SNX27: variants seen among roughly 807,000 people sequenced by gnomAD.
SNX27 encodes the protein sorting nexin-27.
Under a neutral mutation model 71.6 loss-of-function variants are expected in SNX27, and 22 were observed. That is an observed-to-expected ratio of 0.31 (90% CI 0.22 to 0.44). The LOEUF is 0.44. Among genes scored for constraint, SNX27 ranks in the 20% least tolerant of loss-of-function variants. The pLI, the probability that SNX27 is intolerant of heterozygous loss-of-function variation, is 1.00. For missense variants in SNX27, 531 were observed against 698.6 expected, an observed-to-expected ratio of 0.76 and a Z score of 2.70; for synonymous variants, 269 against 277.2, an observed-to-expected ratio of 0.97 and a Z score of 0.29.
chr1:151,612,567 C>A lies in SNX27; in HGVS notation c.311+55C>A. The A allele has an allele frequency of 8.1e-7, 1 of 1,235,484 alleles. No individual in the cohort carries two copies. The highest frequency in any genetic ancestry group is 1.0e-6 in the Non-Finnish European group (1 of 962,158). 76.5% of individuals were successfully genotyped at this position (1,235,484 alleles called of 1,614,324 possible). On this transcript the variant is annotated intron_variant, in intron 1 of 11. Transcript: ENST00000458013. This position sits in a 1 kb window ranked among gnomAD's most constrained non-coding sequence, Gnocchi z 5.2. ...CCTCCCCGCGCCCCTCCTGCCCCTG[C>A]ACTCCTCGCTACCCTTGTCACCCCC...
chr1:151,664,125 A>G (rs995625264), intron 5 of SNX27, among the ~76,000 whole-genome samples: 1 of 147,534 alleles, frequency 6.8e-6, no homozygotes, highest in Non-Finnish European at 1.5e-5. Context: ...TTAATAACAT[A>G]TGATATGTTA....
chr1:151,651,955 C>T (rs576481882), intron 2 of SNX27, among the ~76,000 whole-genome samples: 1 of 152,146 alleles, frequency 6.6e-6, no homozygotes, highest in African/African-American at 2.4e-5. Flanking sequence ...ATCCCGGCAC[C>T]TGGGGAGGCC....
At chr1:151,653,300 T>C (rs1021301303) in intron 2 of SNX27, among the ~76,000 whole-genome samples, 2 of 152,136 alleles carry the variant, frequency 1.3e-5, no homozygotes, top group African/African-American at 2.4e-5. Context: ...TCAAGCATCA[T>C]GTGTGGAATA....
intron 6 of SNX27, chr1:151,666,250 G>C: frequency 3.0e-6 from 1 of 331,470 alleles, no homozygotes; most frequent in Non-Finnish European, 5.4e-6. Flanking sequence ...CTTTCATGAG[G>C]TTCTTTTAAA....
chr1:151,668,681 TG>T (rs760039021), intron 7 of SNX27, 46 bp downstream of exon 7: 7 of 1,571,158 alleles, frequency 4.5e-6, no homozygotes, highest in African/African-American at 1.4e-5. Flanking sequence ...TTTTTATGTT[TG>T]AATATAGTTG....
intron 1 of SNX27, among the ~76,000 whole-genome samples, chr1:151,635,279 C>T (rs917648069): frequency 2.0e-5 from 3 of 152,020 alleles, no homozygotes; most frequent in African/African-American, 4.8e-5. Context: ...CTCCATTAGC[C>T]GATGATATTA....
Position 151,612,609 on chromosome 1 carries a change from G to C in SNX27, c.311+97G>C, listed in dbSNP as rs1237859853. Reference sequence around the variant, plus strand: ...GTCACCCCCAGGCCGCACCTCCCCCGAGCTCCGAGCCGGCCTCCGGACCCC... The same window carrying C: ...GTCACCCCCAGGCCGCACCTCCCCCCAGCTCCGAGCCGGCCTCCGGACCCC... On this transcript the variant is annotated intron_variant, in intron 1 of 11. Coordinates refer to ENST00000458013, the MANE Select transcript of SNX27 (RefSeq NM_001330723.2). This position sits in a 1 kb window ranked among gnomAD's most constrained non-coding sequence, Gnocchi z 5.2. The C allele has an allele frequency of 4.4e-6, 4 of 918,528 alleles. No individual in the cohort carries two copies. In the African/African-American group the frequency reaches 7.6e-5, roughly 18 times the overall value. 56.9% of individuals were successfully genotyped at this position (918,528 alleles called of 1,614,324 possible).
intron 3 of SNX27, among the ~76,000 whole-genome samples, chr1:151,658,893 C>T (rs1212736461): frequency 6.6e-6 from 1 of 152,100 alleles, no homozygotes; most frequent in African/African-American, 2.4e-5. Context: ...ACCATGTTGG[C>T]CAGGATGGTC....
intron 1 of SNX27, among the ~76,000 whole-genome samples, chr1:151,631,084 A>G (rs1020000023): frequency 2.0e-5 from 3 of 152,240 alleles, no homozygotes; most frequent in African/African-American, 7.2e-5. Context: ...GCAAGGAGGC[A>G]GAGTTAGATG....
chr1:151,651,569 G>A (rs866795032), intron 2 of SNX27, among the ~76,000 whole-genome samples: 214 of 151,690 alleles, frequency 1.4e-3, no homozygotes, highest in African/African-American at 5.0e-3. Flanking sequence ...AGACGGGGTC[G>A]CGGCCAGGCA....
chr1:151,668,692 G>C, intron 7 of SNX27, 57 bp downstream of exon 7: 5 of 1,526,314 alleles, frequency 3.3e-6, no homozygotes, highest in Non-Finnish European at 4.4e-6. Flanking sequence ...GAATATAGTT[G>C]GTACTTTGCC....
At chr1:151,693,392 A>G in intron 10 of SNX27, 32 bp from the exon 11 acceptor site, 1 of 1,608,804 alleles carries the variant, frequency 6.2e-7, no homozygotes, top group South Asian at 1.1e-5. Flanking sequence ...TGCTCTTGAG[A>G]AGTTAGTGAG....
chr1:151,698,575 A>G lies in SNX27; in HGVS notation c.*4158A>G, dbSNP rs1217983003. ...AGAGAGATAGTGGGTATGCTTCTCTAGCTCCCCATCTTCCAGGTCCACCTC... is the reference window on the plus strand; with the variant it reads ...AGAGAGATAGTGGGTATGCTTCTCTGGCTCCCCATCTTCCAGGTCCACCTC... On this transcript the variant is annotated 3_prime_UTR_variant, in exon 12 of 12. Coordinates refer to ENST00000458013, the MANE Select transcript of SNX27 (RefSeq NM_001330723.2). 6.6e-6 allele frequency: 1 copy of G among 152,310 alleles called. No homozygotes were observed. The highest frequency in any genetic ancestry group is 1.9e-4 in the East Asian group (1 of 5,204). The allele number at this position is 152,310 out of a possible 1,614,324, so 9.4% of individuals were successfully genotyped here.
At chr1:151,641,117 T>TG (rs747111636) in intron 2 of SNX27, among the ~76,000 whole-genome samples, 27 of 152,188 alleles carry the variant, frequency 1.8e-4, no homozygotes, top group Non-Finnish European at 3.5e-4. Flanking sequence ...CATGCACATG[T>TG]GGGTTGTTTG....
chr1:151,626,083 G>A (rs544421427), intron 1 of SNX27, among the ~76,000 whole-genome samples: 1 of 151,814 alleles, frequency 6.6e-6, no homozygotes, highest in South Asian at 2.1e-4. Context: ...GAGCCGAGAT[G>A]GCGCCACTGC....
intron 7 of SNX27, among the ~76,000 whole-genome samples, chr1:151,671,555 A>G (rs768667333): frequency 6.6e-6 from 1 of 151,818 alleles, no homozygotes; most frequent in Non-Finnish European, 1.5e-5. Context: ...TCTTTTTCTT[A>G]GGATATCTTT....
chr1:151,620,419 GT>G (rs1328742892), intron 1 of SNX27, among the ~76,000 whole-genome samples: 2 of 152,192 alleles, frequency 1.3e-5, no homozygotes, highest in Non-Finnish European at 2.9e-5. Context: ...CTCTTGGACT[GT>G]CTTGTACTAT....
At chr1:151,664,307 A>G (rs1448705988) in intron 5 of SNX27, among the ~76,000 whole-genome samples, 3 of 151,336 alleles carry the variant, frequency 2.0e-5, no homozygotes, top group African/African-American at 7.3e-5. Context: ...AACATATATT[A>G]TCTTTTTGAT....
At chr1:151,646,941 C>A (rs182049051) in intron 2 of SNX27, among the ~76,000 whole-genome samples, 89 of 151,696 alleles carry the variant, frequency 5.9e-4, no homozygotes, top group Non-Finnish European at 3.7e-4. Flanking sequence ...AAGACACTTA[C>A]AAGAGTATAT....
Sources: gnomAD v4.1 joint callset for allele counts (sites outside exome capture counted in the v4.1 genomes callset) on GRCh38, gnomAD v4.1.1 for gene constraint, Gnocchi (gnomAD v3.1) non-coding constraint, MANE v1.5 for transcripts, NCBI Gene and HGNC (gene_info 2026-07-23, HGNC 2026-07-21) for gene names.